Variants in MRTFB observed in about 807,000 individuals in gnomAD.
The protein encoded by MRTFB is myocardin-related transcription factor B.
MRTFB carries 29 observed loss-of-function variants against 104.2 expected under a neutral mutation model. The observed-to-expected ratio is 0.28, with a 90% confidence interval of 0.21 to 0.38. The LOEUF (loss-of-function observed/expected upper bound fraction) is 0.38, where lower values mean the gene tolerates loss of function less well. Among genes scored for constraint, MRTFB ranks in the 10% least tolerant of loss-of-function variants. MRTFB has a pLI of 1.00. For missense variants in MRTFB, 1,270 were observed against 1,341.6 expected (o/e 0.95, Z 0.83); for synonymous variants, 535 against 519.5 (o/e 1.03, Z -0.41).
At chr16:14,212,465 AAAAT>A in intron 5 of MRTFB, 56 bp downstream of exon 5, 1 of 1,515,946 alleles carries the variant, frequency 6.6e-7, no homozygotes, top group Non-Finnish European at 9.2e-7. Context: ...CCTCTCTTCT[AAAAT>A]ACCTGTGTAC....
Position 14,246,568 on chromosome 16 carries a change from G to A in MRTFB, c.1308G>A (p.Val436=). 1 of 1,614,140 alleles carries A rather than the reference G, an allele frequency of 6.2e-7. No individual in the cohort carries two copies. Among genetic ancestry groups the A allele is most frequent in the Non-Finnish European group, 8.5e-7 (1 of 1,180,010 alleles). Residue 436 remains valine, a synonymous_variant, in exon 12 of 17, where the codon GTG becomes GTA. Transcript: ENST00000571589. ...LIERLKPYQE[V]NSSGLAAGGI... ...AGCGCCTAAAACCCTACCAGGAAGT[G>A]AACAGCAGCGGCCTTGCTGCTGGGG...
Position 14,118,857 on chromosome 16 carries a change from T to C in MRTFB, c.-63-21687T>C, listed in dbSNP as rs185128460. ...AGTATGGTATCATACTGTGTATATA[T>C]TTCTGTGGCTTGCTTTTTTCATTTA... On this transcript the variant is annotated intron_variant, in intron 2 of 16. Coordinates refer to ENST00000571589, the MANE Select transcript of MRTFB (RefSeq NM_001308142.2). Among the ~76,000 whole-genome samples the C allele has an allele frequency of 1.7e-4, 26 of 152,246 alleles. No individual in the cohort carries two copies. In the East Asian group the frequency reaches 2.9e-3, roughly 17 times the overall value.
the MRTFB span, among the ~76,000 whole-genome samples, chr16:14,012,280 AT>A: frequency 1.8e-5 from 2 of 112,280 alleles, no homozygotes; most frequent in East Asian, 4.7e-4. Flanking sequence ...CAACCTTGAC[AT>A]TTTCTTTTTC....
At chr16:14,186,469 T>G (rs962486788) in intron 3 of MRTFB, among the ~76,000 whole-genome samples, 5 of 152,202 alleles carry the variant, frequency 3.3e-5, no homozygotes, top group African/African-American at 1.2e-4. Context: ...CAGGCAGCAA[T>G]TTGTCTTCTT....
chr16:14,055,123 G>A, the MRTFB span, among the ~76,000 whole-genome samples: 1,906 of 152,170 alleles, frequency 0.013, 49 homozygotes, highest in African/African-American at 0.043. Context: ...AGGCTGAGGC[G>A]GGTGGATCAC....
At chr16:14,104,048 A>C (rs1001599223) in intron 2 of MRTFB, among the ~76,000 whole-genome samples, 2 of 152,212 alleles carry the variant, frequency 1.3e-5, no homozygotes, top group Non-Finnish European at 2.9e-5. Context: ...ACTGAAGTAT[A>C]ATCTCCCTAC....
the MRTFB span, among the ~76,000 whole-genome samples, chr16:14,038,677 C>T: frequency 6.6e-6 from 1 of 152,136 alleles, no homozygotes. Flanking sequence ...TTAGTGGCTT[C>T]AACCAATACA....
intron 2 of MRTFB, among the ~76,000 whole-genome samples, chr16:14,132,962 T>A (rs2142454898): frequency 6.6e-6 from 1 of 152,304 alleles, no homozygotes; most frequent in South Asian, 2.1e-4. Flanking sequence ...TTATGTAAAC[T>A]GACAAAATAT....
chr16:14,218,720 C>A, intron 7 of MRTFB, 100 bp from the exon 8 acceptor site: 1 of 1,227,890 alleles, frequency 8.1e-7, no homozygotes, highest in Non-Finnish European at 1.1e-6. Flanking sequence ...TTTTAAGCAG[C>A]TTCATAAATT....
chr16:14,234,363 C>A, intron 9 of MRTFB, 80 bp downstream of exon 9: 2 of 1,483,690 alleles, frequency 1.3e-6, no homozygotes, highest in Non-Finnish European at 1.8e-6. Flanking sequence ...AAGACAAAGG[C>A]ATTTATCCAA....
At chr16:14,017,593 GTATATA>G in the MRTFB span, among the ~76,000 whole-genome samples, 475 of 58,980 alleles carry the variant, frequency 8.1e-3, 3 homozygotes, top group East Asian at 0.015. Context: ...ACTGACTACA[GTATATA>G]TATATATATA....
the MRTFB span, among the ~76,000 whole-genome samples, chr16:14,064,796 C>G: frequency 6.6e-6 from 1 of 152,148 alleles, no homozygotes; most frequent in African/African-American, 2.4e-5. Flanking sequence ...TCTGGGGGCT[C>G]TATTCTATTC....
intron 16 of MRTFB, among the ~76,000 whole-genome samples, chr16:14,259,015 G>A (rs767550046): frequency 2.6e-5 from 4 of 152,156 alleles, no homozygotes; most frequent in Admixed American, 1.3e-4. Flanking sequence ...GTGGTCAGAA[G>A]TTCTCCATTT....
chr16:14,003,517 G>A, the MRTFB span, among the ~76,000 whole-genome samples: 1 of 152,174 alleles, frequency 6.6e-6, no homozygotes, highest in South Asian at 2.1e-4. Flanking sequence ...GGCAGTTCCC[G>A]ACAGAGGCGT....
At chr16:14,006,610 T>C in the MRTFB span, among the ~76,000 whole-genome samples, 1 of 152,226 alleles carries the variant, frequency 6.6e-6, no homozygotes, top group Non-Finnish European at 1.5e-5. Context: ...TGCATGTCTT[T>C]CTGCGTTCGC....
At chr16:14,250,796 A>C (rs1214590511) in intron 13 of MRTFB, among the ~76,000 whole-genome samples, 1 of 152,246 alleles carries the variant, frequency 6.6e-6, no homozygotes, top group Non-Finnish European at 1.5e-5. Flanking sequence ...AGGACAGCAG[A>C]GAGCAGAGGC....
intron 3 of MRTFB, chr16:14,200,841 G>C: frequency 1.4e-6 from 2 of 1,462,274 alleles, no homozygotes; most frequent in Admixed American, 1.7e-5. Flanking sequence ...TGGGTGTGGT[G>C]CTACAAGGTG....
Position 14,251,934 on chromosome 16 carries a change from C to T in MRTFB, c.2476C>T (p.Pro826Ser), listed in dbSNP as rs2043272815. 6.2e-7 allele frequency: 1 copy of T among 1,614,054 alleles called. No homozygotes were observed. The highest frequency in any genetic ancestry group is 1.3e-5 in the African/African-American group (1 of 74,936). The change falls in exon 14 of 17, where the codon CCC becomes TCC. Residue 826 changes from proline to serine, a missense_variant. Around this residue, in one of 3 missense-constraint regions of MRTFB, gnomAD observed 1,144 missense variants for 1,131.5 expected, o/e 1.01. Transcript: ENST00000571589. ...ACATCCTGCCCCAGCTGTCCAGCAG[C>T]CCTTTATCAATAAGGCCTCCAACAG... Reference protein sequence around the residue: ...QRHPAPAVQQPFINKASNSVL... With the variant: ...QRHPAPAVQQSFINKASNSVL...
intron 3 of MRTFB, among the ~76,000 whole-genome samples, chr16:14,195,845 C>T (rs898064664): frequency 1.3e-5 from 2 of 152,144 alleles, no homozygotes; most frequent in African/African-American, 2.4e-5. Flanking sequence ...TAAACATTAT[C>T]TTCTTTGGGA....
Sources: allele counts gnomAD v4.1 joint callset (sites outside exome capture counted in the v4.1 genomes callset), GRCh38; gene constraint gnomAD v4.1.1; regional missense constraint gnomAD v4.1.1; transcripts MANE v1.5; gene names NCBI Gene and HGNC (gene_info 2026-07-23, HGNC 2026-07-21).